The following ARHGEF12 variants were observed in gnomAD, a reference collection of about 807,000 sequenced individuals.
The protein encoded by ARHGEF12 is Rho guanine nucleotide exchange factor 12.
Under a neutral mutation model 211.2 loss-of-function variants are expected in ARHGEF12, and 66 were observed. That is an observed-to-expected ratio of 0.31 (90% CI 0.26 to 0.38). The LOEUF (loss-of-function observed/expected upper bound fraction) is 0.38. ARHGEF12 is among the 10% of genes least tolerant of loss of function. ARHGEF12 has a pLI of 1.00. For synonymous variants in ARHGEF12, 592 were observed against 638.4 expected (o/e 0.93, Z 1.09); for missense variants, 1,429 against 1,869.5 (o/e 0.76, Z 4.34).
intron 1 of ARHGEF12, among the ~76,000 whole-genome samples, chr11:120,391,068 A>T (rs1244045706): frequency 1.3e-5 from 2 of 152,164 alleles, no homozygotes; most frequent in East Asian, 3.8e-4. Flanking sequence ...TGAAGCTATC[A>T]CCTAGCACAA....
intron 31 of ARHGEF12, among the ~76,000 whole-genome samples, chr11:120,474,032 G>A (rs1476948844): frequency 6.6e-6 from 1 of 152,208 alleles, no homozygotes; most frequent in Non-Finnish European, 1.5e-5. Context: ...CAAAGAATGA[G>A]AGTTTTCTAG....
At chr11:120,394,300 C>T (rs1222209690) in intron 1 of ARHGEF12, among the ~76,000 whole-genome samples, 3 of 151,620 alleles carry the variant, frequency 2.0e-5, no homozygotes, top group Non-Finnish European at 4.4e-5. Flanking sequence ...ACAGCCTCAA[C>T]CTCCTGGGCT....
chr11:120,412,192 C>T (rs2135601896), intron 4 of ARHGEF12, among the ~76,000 whole-genome samples: 1 of 152,248 alleles, frequency 6.6e-6, no homozygotes. Flanking sequence ...TTGTGGGTTA[C>T]TGTAGGAAAT....
intron 15 of ARHGEF12, among the ~76,000 whole-genome samples, chr11:120,442,427 T>TATATACAC (rs1156564301): frequency 1.6e-4 from 23 of 144,004 alleles, no homozygotes; most frequent in African/African-American, 5.1e-4. Context: ...TATATATATA[T>TATATACAC]ACACACACAC....
At chr11:120,447,970 C>A in intron 19 of ARHGEF12, 64 bp downstream of exon 19, 3 of 1,252,878 alleles carry the variant, frequency 2.4e-6, no homozygotes, top group Non-Finnish European at 3.3e-6. Flanking sequence ...TTTTTCCTTT[C>A]AGTCCTAAAT....
chr11:120,446,123 C>T (rs896335652), intron 16 of ARHGEF12, among the ~76,000 whole-genome samples: 20 of 150,288 alleles, frequency 1.3e-4, no homozygotes, highest in Middle Eastern at 3.5e-3. Flanking sequence ...GCATGAACCC[C>T]GGAGGTGGAG....
Position 120,448,662 on chromosome 11 carries a change from C to G in ARHGEF12, c.1737+314C>G, listed in dbSNP as rs189647790. 4 of 344,788 alleles carry G rather than the reference C, an allele frequency of 1.2e-5. No homozygotes were observed. The East Asian group carries it at 2.3e-4, about 20-fold the overall frequency. 21.4% of individuals were successfully genotyped at this position (344,788 alleles called of 1,614,324 possible). A position where few individuals can be genotyped will look rare whatever the true frequency, so the allele number is the denominator to read the frequency against. The stretch of plus-strand genomic sequence containing the variant: ...ACCCCCTGTGTTGCTACATAATCGT[C>G]ATGAACATCTTTAGTGGCAGTAGAG... On this transcript the variant is annotated intron_variant, in intron 20 of 40. Transcript: ENST00000397843.
At chr11:120,373,368 A>G (rs1021982893) in intron 1 of ARHGEF12, among the ~76,000 whole-genome samples, 8 of 152,166 alleles carry the variant, frequency 5.3e-5, no homozygotes, top group Admixed American at 4.6e-4. Flanking sequence ...GTGAGTACCT[A>G]TGTTCTGTGG....
intron 1 of ARHGEF12, among the ~76,000 whole-genome samples, chr11:120,338,438 A>G (rs1480027179): frequency 2.0e-5 from 3 of 152,224 alleles, no homozygotes; most frequent in Non-Finnish European, 4.4e-5. Flanking sequence ...CTTCCTGTTG[A>G]TGCTTTCCAG....
chr11:120,462,820 A>G (rs975196272), intron 27 of ARHGEF12: 4 of 152,252 alleles, frequency 2.6e-5, no homozygotes, highest in African/African-American at 9.6e-5. Context: ...TTGACTTACT[A>G]TGGTTCCAAC....
intron 30 of ARHGEF12, among the ~76,000 whole-genome samples, chr11:120,471,726 G>A (rs1946875503): frequency 1.3e-5 from 2 of 152,186 alleles, no homozygotes; most frequent in African/African-American, 2.4e-5. Flanking sequence ...ATGGATAGAG[G>A]GATGAATAAA....
intron 28 of ARHGEF12, among the ~76,000 whole-genome samples, chr11:120,466,327 T>C (rs1048689408): frequency 1.3e-5 from 2 of 152,278 alleles, no homozygotes; most frequent in Admixed American, 1.3e-4. Context: ...TTTCAACTCC[T>C]AGAGAACAGA....
At chr11:120,344,123 G>A (rs1020403183) in intron 1 of ARHGEF12, among the ~76,000 whole-genome samples, 9 of 151,720 alleles carry the variant, frequency 5.9e-5, no homozygotes, top group African/African-American at 1.5e-4. Flanking sequence ...AAAATGAGCC[G>A]GACCAGGTGG....
At chr11:120,383,048 G>C (rs533740000) in intron 1 of ARHGEF12, among the ~76,000 whole-genome samples, 115 of 152,238 alleles carry the variant, frequency 7.6e-4, no homozygotes, top group African/African-American at 2.6e-3. Flanking sequence ...CTGAGGCAGG[G>C]GAATGGCGCG....
At chr11:120,484,656 C>A in intron 40 of ARHGEF12, 149 bp downstream of exon 40, 1 of 738,124 alleles carries the variant, frequency 1.4e-6, no homozygotes, top group Non-Finnish European at 2.2e-6. Context: ...AGATATCAAG[C>A]GGAAGCTCAT....
intron 33 of ARHGEF12, 140 bp downstream of exon 33, chr11:120,475,647 C>T: frequency 1.1e-6 from 1 of 886,634 alleles, no homozygotes; most frequent in Non-Finnish European, 1.6e-6. Context: ...AAATTTACTG[C>T]TTAGAAAGAG....
intron 27 of ARHGEF12, chr11:120,462,632 G>T (rs1328441659): frequency 2.6e-5 from 4 of 152,164 alleles, no homozygotes; most frequent in Admixed American, 2.6e-4. Context: ...GCAGAATGGT[G>T]GTTTGTAACT....
At chr11:120,421,769 G>A (rs1411033517) in intron 5 of ARHGEF12, 34 bp from the exon 6 acceptor site, 5 of 1,590,288 alleles carry the variant, frequency 3.1e-6, no homozygotes, top group Non-Finnish European at 4.3e-6. Flanking sequence ...AAATGCAAAT[G>A]AATCACATTT....
At position 120,407,741 on chromosome 11, in the gene ARHGEF12, T is replaced by C. The variant is rs201592364; in HGVS notation, c.60T>C (p.His20=). The change falls in exon 3 of 41, where the codon CAT becomes CAC. Residue 20 remains histidine, a synonymous_variant. Coordinates refer to ENST00000397843, the MANE Select transcript of ARHGEF12 (RefSeq NM_015313.3). The part of the protein sequence containing the change: ...DRFPLKKPIR[H]GSILNRESPT... The stretch of plus-strand genomic sequence containing the variant: ...TGATTACTTTGCTTTAATTTAGGCA[T>C]GGAAGTATTTTGAACCGAGAGTCAC... The C allele has an allele frequency of 1.1e-5, 18 of 1,612,872 alleles. No individual in the cohort carries two copies. In the African/African-American group the frequency reaches 2.3e-4, roughly 20 times the overall value.
Sources: gnomAD v4.1 joint callset for allele counts (sites outside exome capture counted in the v4.1 genomes callset) on GRCh38, gnomAD v4.1.1 for gene constraint, MANE v1.5 for transcripts, NCBI Gene and HGNC (gene_info 2026-07-23, HGNC 2026-07-21) for gene names.